HEPHL1: variants seen among roughly 807,000 people sequenced by gnomAD.
The protein encoded by HEPHL1 is hephaestin like 1.
HEPHL1 carries 123 observed loss-of-function variants against 122.0 expected under a neutral mutation model. The observed-to-expected ratio is 1.01, with a 90% confidence interval of 0.87 to 1.17. The LOEUF (loss-of-function observed/expected upper bound fraction) is 1.17, where lower values mean the gene tolerates loss of function less well. Among genes scored for constraint, HEPHL1 ranks in the 50% most tolerant of loss-of-function variants. HEPHL1 has a pLI of 0.00. For synonymous variants in HEPHL1, 527 were observed against 508.9 expected (o/e 1.04, Z -0.48); for missense variants, 1,452 against 1,430.5 (o/e 1.01, Z -0.24).
chr11:94,063,668 C>G lies in HEPHL1; in HGVS notation c.576C>G (p.Ala192=). The G allele has an allele frequency of 6.2e-7, 1 of 1,613,842 alleles. No individual in the cohort carries two copies. The change falls in exon 3 of 20, where the codon GCC becomes GCG. Residue 192 remains alanine (A), a synonymous_variant. Transcript: ENST00000315765. The part of the protein sequence containing the change: ...LTWVYHSHID[A]PKDICSGLIG... ...GGGTGTACCATTCGCACATCGACGC[C>G]CCAAAGGACATCTGCTCTGGGCTAA...
chr11:94,080,583 A>G (rs1946162637), intron 9 of HEPHL1, among the ~76,000 whole-genome samples: 1 of 152,212 alleles, frequency 6.6e-6, no homozygotes, highest in South Asian at 2.1e-4. Flanking sequence ...TCTACAAGGA[A>G]CTTAAACAAA....
At chr11:94,084,281 C>A (rs1220191469) in intron 10 of HEPHL1, among the ~76,000 whole-genome samples, 1 of 151,542 alleles carries the variant, frequency 6.6e-6, no homozygotes, top group Non-Finnish European at 1.5e-5. Context: ...CTGAAGTAAG[C>A]ATAATGGCTC....
intron 1 of HEPHL1, among the ~76,000 whole-genome samples, chr11:94,034,271 G>A (rs1945701981): frequency 6.6e-6 from 1 of 152,128 alleles, no homozygotes; most frequent in South Asian, 2.1e-4. Context: ...CCCATCTTCT[G>A]CTCCATGCGG....
At chr11:94,088,733 T>C (rs749053633) in intron 11 of HEPHL1, 22 bp from the exon 12 acceptor site, 4 of 1,593,524 alleles carry the variant, frequency 2.5e-6, no homozygotes, top group Admixed American at 3.4e-5. Flanking sequence ...CCACACTCAA[T>C]GCCGAGCCAT....
Position 94,071,037 on chromosome 11 carries a change from T to C in HEPHL1, c.1232+495T>C, listed in dbSNP as rs150247238. Among the ~76,000 whole-genome samples the C allele has an allele frequency of 2.0e-5, 3 of 152,254 alleles. No homozygotes were observed. In the East Asian group the frequency reaches 5.8e-4, roughly 29 times the overall value. On this transcript the variant is annotated intron_variant, in intron 6 of 19. Transcript: ENST00000315765. ...CTATTCAGTAAAATGCCATTTTTCT[T>C]TCAAAGCCTTACTCTAATGTCACCT...
Position 94,081,489 on chromosome 11 carries a change from A to T in HEPHL1, c.1717-929A>T, listed in dbSNP as rs1169592087. On this transcript the variant is annotated intron_variant, in intron 9 of 19. Coordinates refer to ENST00000315765, the MANE Select transcript of HEPHL1 (RefSeq NM_001098672.2). ...AGAAAACATAGTCATCTCTCTGGTC[A>T]GTTCTAAAGGAAAGCATACTGCAGC... is the stretch of plus-strand genomic sequence containing the variant. Among the ~76,000 whole-genome samples the T allele has an allele frequency of 2.0e-5, 3 of 152,234 alleles. No homozygotes were observed. The East Asian group carries it at 5.8e-4, about 29-fold the overall frequency.
chr11:94,110,648 C>T (rs1288513340), intron 17 of HEPHL1, among the ~76,000 whole-genome samples: 1 of 152,142 alleles, frequency 6.6e-6, no homozygotes, highest in Non-Finnish European at 1.5e-5. Flanking sequence ...TTATGAATAC[C>T]AGGAGGTGGG....
Position 94,111,708 on chromosome 11 carries a change from G to A in HEPHL1, c.3294G>A (p.Glu1098=). Residue 1098 remains glutamate (E), a synonymous_variant, in exon 20 of 20, where the codon GAG becomes GAA. Coordinates refer to ENST00000315765, the MANE Select transcript of HEPHL1 (RefSeq NM_001098672.2). ...TTTTCACAGAACGACCTGGCAAAGA[G>A]CAGCTCTATTTCTTTGGCAAGAATC... ...TVPSNERPGK[E]QLYFFGKNLG... is the part of the protein sequence containing the mutation. The A allele has an allele frequency of 1.2e-6, 2 of 1,611,036 alleles. No individual in the cohort carries two copies. The highest frequency in any genetic ancestry group is 1.7e-6 in the Non-Finnish European group (2 of 1,178,350).
intron 1 of HEPHL1, among the ~76,000 whole-genome samples, chr11:94,034,480 A>C (rs1441897482): frequency 6.6e-6 from 1 of 152,194 alleles, no homozygotes; most frequent in Non-Finnish European, 1.5e-5. Flanking sequence ...CCCTGAAAAT[A>C]TCTCTTTATC....
Position 94,021,551 on chromosome 11 carries a change from A to T in HEPHL1, c.170+13A>T. The T allele has an allele frequency of 6.3e-7, 1 of 1,586,992 alleles. No individual in the cohort carries two copies. The highest frequency in any genetic ancestry group is 8.6e-7 in the Non-Finnish European group (1 of 1,165,074). On this transcript the variant is annotated intron_variant, in intron 1 of 19. Transcript: ENST00000315765. ...TCACAGAAGACAAGTGAGTGAACTTAGGGTCCTCATTGACTCCCAGGTTTG... is the reference window on the plus strand; with the variant it reads ...TCACAGAAGACAAGTGAGTGAACTTTGGGTCCTCATTGACTCCCAGGTTTG...
Position 94,112,006 on chromosome 11 carries a change from C to A in HEPHL1, c.*112C>A. The A allele has an allele frequency of 1.5e-6, 1 of 659,076 alleles. No homozygotes were observed. Among genetic ancestry groups the A allele is most frequent in the Non-Finnish European group, 2.4e-6 (1 of 409,036 alleles). The allele number at this position is 659,076 out of a possible 1,614,324, so 40.8% of individuals were successfully genotyped here. A position where few individuals can be genotyped will look rare whatever the true frequency, so the allele number is the denominator to read the frequency against. On this transcript the variant is annotated 3_prime_UTR_variant, in exon 20 of 20. Transcript: ENST00000315765. ...TCACCAAGGAAGGTTGACACTGTATCCTGGATCAGCCTTCTGATCCTCTCA... is the reference window on the plus strand; with the variant it reads ...TCACCAAGGAAGGTTGACACTGTATACTGGATCAGCCTTCTGATCCTCTCA...
intron 2 of HEPHL1, among the ~76,000 whole-genome samples, chr11:94,057,760 A>G (rs751142186): frequency 5.3e-5 from 8 of 152,136 alleles, no homozygotes; most frequent in Non-Finnish European, 1.0e-4. Flanking sequence ...AATTCAACCT[A>G]TAAGGACATA....
chr11:94,082,960 G>A (rs956994593), intron 10 of HEPHL1, among the ~76,000 whole-genome samples: 28 of 152,026 alleles, frequency 1.8e-4, no homozygotes, highest in Admixed American at 2.0e-4. Flanking sequence ...ATGGTGGTGC[G>A]TGCCTATATT....
chr11:94,103,223 T>TA (rs780709147), intron 15 of HEPHL1, among the ~76,000 whole-genome samples: 1 of 135,716 alleles, frequency 7.4e-6, no homozygotes, highest in East Asian at 2.2e-4. Flanking sequence ...ACAGAGACTA[T>TA]ATGGCCCACA....
At chr11:94,081,433 C>A (rs1290115280) in intron 9 of HEPHL1, among the ~76,000 whole-genome samples, 2 of 152,192 alleles carry the variant, frequency 1.3e-5, no homozygotes, top group Non-Finnish European at 2.9e-5. Context: ...CAGACTGCAC[C>A]TGTATCCCAA....
chr11:94,039,548 C>G (rs373688183), intron 1 of HEPHL1, among the ~76,000 whole-genome samples: 2,282 of 148,320 alleles, frequency 0.015, 18 homozygotes, highest in African/African-American at 0.035. Context: ...AATCAAACTA[C>G]AACTCAGGAT....
intron 1 of HEPHL1, 67 bp downstream of exon 1, chr11:94,021,605 T>C: frequency 7.9e-7 from 1 of 1,264,382 alleles, no homozygotes; most frequent in Non-Finnish European, 1.1e-6. Context: ...GTGGGGAAGG[T>C]TGTATTTCTT....
intron 17 of HEPHL1, 86 bp from the exon 18 acceptor site, chr11:94,110,817 T>C: frequency 9.4e-7 from 1 of 1,063,270 alleles, no homozygotes; most frequent in Admixed American, 2.5e-5. Context: ...TTACTGTGGG[T>C]TTTATTTGTT....
intron 9 of HEPHL1, among the ~76,000 whole-genome samples, chr11:94,081,165 G>C (rs185678403): frequency 9.2e-5 from 14 of 152,292 alleles, no homozygotes; most frequent in Middle Eastern, 3.4e-3. Context: ...GGCACTTGAA[G>C]CCATTATCTT....
Sources: allele counts gnomAD v4.1 joint callset (sites outside exome capture counted in the v4.1 genomes callset), GRCh38; gene constraint gnomAD v4.1.1; transcripts MANE v1.5; gene names NCBI Gene and HGNC (gene_info 2026-07-23, HGNC 2026-07-21).